The following DNER variants were observed in gnomAD, a reference collection of about 807,000 sequenced individuals.
DNER encodes the protein delta and Notch-like epidermal growth factor-related receptor.
A neutral mutation model predicts 78.2 loss-of-function variants in DNER; 33 were observed. That is an observed-to-expected ratio of 0.42 (90% CI 0.32 to 0.56). The LOEUF (loss-of-function observed/expected upper bound fraction) is 0.56, where lower values mean the gene tolerates loss of function less well. DNER is among the 20% of genes least tolerant of loss of function. The pLI is 0.11. For missense variants in DNER, 918 were observed against 975.3 expected (o/e 0.94, Z 0.78); for synonymous variants, 417 against 384.8 (o/e 1.08, Z -0.98).
intron 5 of DNER, among the ~76,000 whole-genome samples, chr2:229,539,615 T>C (rs1306575852): frequency 6.6e-6 from 1 of 152,216 alleles, no homozygotes; most frequent in African/African-American, 2.4e-5. Flanking sequence ...CTCAGACAAC[T>C]GGATTCCTAT....
chr2:229,477,750 GTGACCTCTCCTCCCACTTTAA>G (rs1695066868), intron 6 of DNER, among the ~76,000 whole-genome samples: 1 of 152,158 alleles, frequency 6.6e-6, no homozygotes, highest in Admixed American at 6.5e-5. Context: ...TGTTAATTCT[GTGACCTCTCCTCCCACTTTAA>G]AGATAAAGAG....
At chr2:229,641,036 A>T (rs1285157001) in intron 1 of DNER, among the ~76,000 whole-genome samples, 1 of 152,174 alleles carries the variant, frequency 6.6e-6, no homozygotes, top group Non-Finnish European at 1.5e-5. Flanking sequence ...TAGGTGGGAG[A>T]AAATAAAGCC....
At chr2:229,381,297 G>A (rs372418166) in intron 11 of DNER, among the ~76,000 whole-genome samples, 9 of 152,104 alleles carry the variant, frequency 5.9e-5, no homozygotes, top group Non-Finnish European at 8.8e-5. Flanking sequence ...AGATTCCCTC[G>A]GGTACCTATG....
intron 1 of DNER, among the ~76,000 whole-genome samples, chr2:229,662,226 A>C (rs1032671435): frequency 2.6e-5 from 4 of 152,188 alleles, no homozygotes; most frequent in African/African-American, 9.6e-5. Context: ...TCAGCACAGC[A>C]AAGGCATCCA....
chr2:229,445,552 C>G (rs1289893431), intron 8 of DNER, among the ~76,000 whole-genome samples: 1 of 152,180 alleles, frequency 6.6e-6, no homozygotes, highest in East Asian at 1.9e-4. Flanking sequence ...AATCAGCAGA[C>G]TTTGAATGAA....
intron 1 of DNER, among the ~76,000 whole-genome samples, chr2:229,667,221 C>A (rs985870653): frequency 6.6e-6 from 1 of 152,128 alleles, no homozygotes; most frequent in African/African-American, 2.4e-5. Flanking sequence ...TCTGTGGCAG[C>A]GAGAGGGGCC....
intron 8 of DNER, among the ~76,000 whole-genome samples, chr2:229,421,016 TG>T (rs1324386064): frequency 4.6e-5 from 7 of 152,234 alleles, no homozygotes; most frequent in African/African-American, 1.4e-4. Context: ...ACAAACAACT[TG>T]ATGTCCATTG....
chr2:229,588,879 G>A (rs1224448037), intron 2 of DNER, among the ~76,000 whole-genome samples: 3 of 152,190 alleles, frequency 2.0e-5, no homozygotes, highest in Non-Finnish European at 4.4e-5. Context: ...CAAACAGCAG[G>A]TAAAAGCCTA....
intron 6 of DNER, among the ~76,000 whole-genome samples, chr2:229,482,060 T>C (rs6717075): frequency 0.13 from 19,061 of 152,312 alleles, 1,340 homozygotes; most frequent in South Asian, 0.2. Context: ...TAAACTCCCT[T>C]ATTTTGATTT....
At position 229,512,890 on chromosome 2, in the gene DNER, C is replaced by T. The variant is rs753250384; in HGVS notation, c.1040G>A (p.Cys347Tyr). 3.1e-6 allele frequency: 5 copies of T among 1,614,010 alleles called. No individual in the cohort carries two copies. In the African/African-American group the frequency reaches 6.7e-5, roughly 22 times the overall value. Residue 347 changes from cysteine to tyrosine, a missense_variant, in exon 6 of 13, where the codon TGT (cysteine) becomes TAT (tyrosine). Physicochemically the swap from Cys to Tyr is radical, Grantham distance 194. Coordinates refer to ENST00000341772, the MANE Select transcript of DNER (RefSeq NM_139072.4). Reference sequence around the variant, plus strand: ...CCTCTGGCAAGCATCGTATTCTTCACAGAAAGTACCCACGTACTGCTCCTC... The same window carrying T: ...CCTCTGGCAAGCATCGTATTCTTCATAGAAAGTACCCACGTACTGCTCCTC... Reference protein sequence around the residue: ...TCEEQYVGTFCEEYDACQRKP... With the variant: ...TCEEQYVGTFYEEYDACQRKP...
intron 9 of DNER, among the ~76,000 whole-genome samples, chr2:229,412,792 C>G (rs1693550997): frequency 1.3e-5 from 2 of 152,240 alleles, no homozygotes; most frequent in South Asian, 2.1e-4. Flanking sequence ...CAAGAGGGAC[C>G]CCAGGGCTCA....
At chr2:229,563,658 A>G (rs1214535033) in intron 4 of DNER, among the ~76,000 whole-genome samples, 1 of 140,964 alleles carries the variant, frequency 7.1e-6, no homozygotes, top group East Asian at 2.2e-4. Context: ...TCATCACCCC[A>G]TCACCATCAT....
At chr2:229,686,182 C>A (rs1173518537) in intron 1 of DNER, among the ~76,000 whole-genome samples, 1 of 152,092 alleles carries the variant, frequency 6.6e-6, no homozygotes, top group African/African-American at 2.4e-5. Context: ...TTTAGTCAGG[C>A]AAATACACCC....
At chr2:229,403,723 G>C (rs1693320019) in intron 10 of DNER, among the ~76,000 whole-genome samples, 1 of 152,168 alleles carries the variant, frequency 6.6e-6, no homozygotes, top group East Asian at 1.9e-4. Context: ...TGAGATTGCT[G>C]GTGGGGTATA....
At chr2:229,611,973 T>G (rs1377132250) in intron 1 of DNER, among the ~76,000 whole-genome samples, 2 of 152,234 alleles carry the variant, frequency 1.3e-5, no homozygotes, top group African/African-American at 2.4e-5. Context: ...TGTCACTTTT[T>G]GTTATCCTAT....
intron 1 of DNER, among the ~76,000 whole-genome samples, chr2:229,607,346 A>G (rs76252184): frequency 1.7e-3 from 260 of 152,298 alleles, no homozygotes; most frequent in African/African-American, 6.1e-3. Context: ...ATGTTAATCC[A>G]TTTAATCTTC....
At chr2:229,526,421 A>C (rs572079552) in intron 5 of DNER, among the ~76,000 whole-genome samples, 4 of 152,344 alleles carry the variant, frequency 2.6e-5, no homozygotes, top group Admixed American at 2.6e-4. Flanking sequence ...CCCTTTATAC[A>C]GAGGAAATGA....
chr2:229,666,360 A>G (rs1699092527), intron 1 of DNER, among the ~76,000 whole-genome samples: 2 of 152,200 alleles, frequency 1.3e-5, no homozygotes, highest in Non-Finnish European at 2.9e-5. Flanking sequence ...TAAAAAGCAC[A>G]GGTGCAGTAA....
chr2:229,465,275 T>C (rs776407158), intron 7 of DNER, among the ~76,000 whole-genome samples: 44 of 152,196 alleles, frequency 2.9e-4, no homozygotes, highest in Non-Finnish European at 5.3e-4. Context: ...ATCATGTCTT[T>C]TGCAGGGACA....
Sources: gnomAD v4.1 joint callset for allele counts (sites outside exome capture counted in the v4.1 genomes callset) on GRCh38, gnomAD v4.1.1 for gene constraint, MANE v1.5 for transcripts, NCBI Gene and HGNC (gene_info 2026-07-23, HGNC 2026-07-21) for gene names.